DNAJC1: variants seen among roughly 807,000 people sequenced by gnomAD.
The protein encoded by DNAJC1 is dnaJ homolog subfamily C member 1.
In DNAJC1, 58 loss-of-function variants were observed where a neutral mutation model predicts 76.6. The ratio of observed to expected loss-of-function variants is 0.76; its 90% CI spans 0.61 to 0.94. DNAJC1 has a LOEUF of 0.94. Among genes scored for constraint, DNAJC1 ranks in the 40% least tolerant of loss-of-function variants. The pLI is 0.00. For synonymous variants in DNAJC1, 258 were observed against 267.9 expected, an observed-to-expected ratio of 0.96 and a Z score of 0.36; for missense variants, 689 against 677.3, an observed-to-expected ratio of 1.02 and a Z score of -0.19.
At chr10:21,842,014 G>A (rs890691580) in intron 8 of DNAJC1, among the ~76,000 whole-genome samples, 4 of 146,868 alleles carry the variant, frequency 2.7e-5, no homozygotes, top group African/African-American at 1.0e-4. Context: ...ACCAAACAAC[G>A]CATGTTCTCA....
At chr10:21,798,154 G>T (rs969398806) in intron 9 of DNAJC1, among the ~76,000 whole-genome samples, 2 of 152,116 alleles carry the variant, frequency 1.3e-5, no homozygotes, top group African/African-American at 2.4e-5. Context: ...GCTAATTAAC[G>T]TGCCTTTGTA....
In DNAJC1 at chr10:21,904,522, T is replaced by C. The variant is rs1418287076; in HGVS notation, c.820A>G (p.Lys274Glu). The C allele has an allele frequency of 1.3e-6, 2 of 1,559,196 alleles. No individual in the cohort carries two copies. Among genetic ancestry groups the C allele is most frequent in the Non-Finnish European group, 1.7e-6 (2 of 1,151,404 alleles). The change falls in exon 7 of 12, where the codon AAA (lysine) becomes GAA (glutamate). Residue 274 changes from lysine to glutamate, a missense_variant and splice_region_variant. Transcript: ENST00000376980. The part of the protein sequence containing the change: ...LTRTELETLQ[K>E]QKKVKKPKPE... ...TAAAACACTAATGTTTAAAACTCAC[T>C]TTGAAGTGTTTCAAGTTCAGTTCTA...
intron 1 of DNAJC1, among the ~76,000 whole-genome samples, chr10:21,964,381 A>AT (rs1837852669): frequency 6.6e-6 from 1 of 151,862 alleles, no homozygotes; most frequent in Non-Finnish European, 1.5e-5. Flanking sequence ...TGCCTGGCTA[A>AT]TTTTTTTGTA....
At chr10:21,774,524 G>C (rs1401801441) in intron 9 of DNAJC1, among the ~76,000 whole-genome samples, 1 of 152,044 alleles carries the variant, frequency 6.6e-6, no homozygotes, top group South Asian at 2.1e-4. Flanking sequence ...ACCTAGACTG[G>C]AGCGCAGTGG....
intron 11 of DNAJC1, among the ~76,000 whole-genome samples, chr10:21,758,826 C>T (rs1049654343): frequency 2.0e-5 from 3 of 152,332 alleles, no homozygotes; most frequent in Middle Eastern, 3.4e-3. Flanking sequence ...CTGCATTTCA[C>T]GGTGAGGCAG....
At chr10:21,855,045 T>TAGAAA (rs1835812861) in intron 8 of DNAJC1, among the ~76,000 whole-genome samples, 1 of 152,308 alleles carries the variant, frequency 6.6e-6, no homozygotes, top group African/African-American at 2.4e-5. Context: ...TTAATTCTTC[T>TAGAAA]AGAAAATCAT....
chr10:21,967,129 T>C lies in DNAJC1; in HGVS notation c.222+36084A>G, dbSNP rs548743923. Among the ~76,000 whole-genome samples, 8 of 152,224 alleles carry C rather than the reference T, an allele frequency of 5.3e-5. No individual in the cohort carries two copies. In the South Asian group the frequency reaches 1.7e-3, roughly 32 times the overall value. On this transcript the variant is annotated intron_variant, in intron 1 of 11. Transcript: ENST00000376980. ...AACTTTTAACAAATGTATTTAGCTGTGCAACGTTCATCACAATCCAGTTTT... is the reference window on the plus strand; with the variant it reads ...AACTTTTAACAAATGTATTTAGCTGCGCAACGTTCATCACAATCCAGTTTT...
intron 8 of DNAJC1, among the ~76,000 whole-genome samples, chr10:21,856,408 C>T (rs1050062975): frequency 6.6e-6 from 1 of 151,980 alleles, no homozygotes; most frequent in African/African-American, 2.4e-5. Flanking sequence ...TTGTGTATGT[C>T]TTTGAGGATA....
rs1756507041 is a variant in DNAJC1 at position 21,833,024 on chromosome 10, T to C, written c.979-26925A>G. Among the ~76,000 whole-genome samples, 3 of 152,232 alleles carry C rather than the reference T, an allele frequency of 2.0e-5. No homozygotes were observed. The South Asian group carries it at 6.2e-4, about 31-fold the overall frequency. ...CCCCACCCCACTTCTAAATCTTTCA[T>C]AAAAATTTTTGGTTTTTTCCTAGGT... On this transcript the variant is annotated intron_variant, in intron 8 of 11. Coordinates refer to ENST00000376980, the MANE Select transcript of DNAJC1 (RefSeq NM_022365.4).
At chr10:21,843,805 T>G (rs1331928764) in intron 8 of DNAJC1, among the ~76,000 whole-genome samples, 13 of 152,006 alleles carry the variant, frequency 8.6e-5, no homozygotes, top group Admixed American at 8.5e-4. Flanking sequence ...AGTGGTGTGA[T>G]CTCAGCTCCC....
At chr10:21,769,926 T>A (rs1249720157) in intron 9 of DNAJC1, among the ~76,000 whole-genome samples, 2 of 152,110 alleles carry the variant, frequency 1.3e-5, no homozygotes, top group African/African-American at 4.8e-5. Flanking sequence ...CCTCAGGTGA[T>A]CCACCCACCT....
At position 22,003,413 on chromosome 10, in the gene DNAJC1, G is replaced by A; in HGVS notation, c.22C>T (p.Pro8Ser). The change falls in exon 1 of 12, where the codon CCG (proline) becomes TCG (serine). Residue 8 changes from proline to serine, a missense_variant. Physicochemically the swap from Pro to Ser is moderately conservative, Grantham distance 74 (BLOSUM62 -1). Transcript: ENST00000376980. ...TGGCGGCGTCCAGGAAGCTGCGCCG[G>A]CTGGGAGCAAGGAGCCGTCATCGCG... is the stretch of plus-strand genomic sequence containing the variant. The part of the protein sequence containing the change: MTAPCSQ[P>S]AQLPGRRQLG... 1 of 1,370,036 alleles carries A rather than the reference G, an allele frequency of 7.3e-7. No individual in the cohort carries two copies. Among genetic ancestry groups the A allele is most frequent in the South Asian group, 1.9e-5 (1 of 53,388 alleles). 84.9% of individuals were successfully genotyped at this position (1,370,036 alleles called of 1,614,324 possible). A position where few individuals can be genotyped will look rare whatever the true frequency, so the allele number is the denominator to read the frequency against.
intron 9 of DNAJC1, among the ~76,000 whole-genome samples, chr10:21,783,964 G>T (rs990770461): frequency 6.6e-6 from 1 of 152,140 alleles, no homozygotes; most frequent in East Asian, 1.9e-4. Flanking sequence ...AGAAAACCTA[G>T]GCAATACCAT....
chr10:21,911,674 A>G (rs1349077881), intron 6 of DNAJC1, among the ~76,000 whole-genome samples: 1 of 152,212 alleles, frequency 6.6e-6, no homozygotes, highest in South Asian at 2.1e-4. Context: ...CAATGTAAGA[A>G]TCCTACAACT....
chr10:21,984,329 CA>C (rs1164213796), intron 1 of DNAJC1, among the ~76,000 whole-genome samples: 1 of 152,118 alleles, frequency 6.6e-6, no homozygotes, highest in African/African-American at 2.4e-5. Flanking sequence ...AAAGCAGTTC[CA>C]GGGGCAGTTA....
chr10:21,848,314 ATTGAG>A (rs1475101907), intron 8 of DNAJC1, among the ~76,000 whole-genome samples: 1 of 151,798 alleles, frequency 6.6e-6, no homozygotes, highest in Non-Finnish European at 1.5e-5. Flanking sequence ...ATTATTTGCT[ATTGAG>A]TTGAGTTTCT....
At chr10:21,967,463 C>T (rs1447945426) in intron 1 of DNAJC1, among the ~76,000 whole-genome samples, 1 of 152,140 alleles carries the variant, frequency 6.6e-6, no homozygotes, top group Non-Finnish European at 1.5e-5. Flanking sequence ...TTTCCTGTCC[C>T]AGACCTGGAA....
intron 1 of DNAJC1, among the ~76,000 whole-genome samples, chr10:21,967,071 A>G (rs1271229606): frequency 1.3e-5 from 2 of 148,918 alleles, no homozygotes; most frequent in Non-Finnish European, 3.0e-5. Context: ...ACTGAAATAT[A>G]ATTTACACAC....
intron 8 of DNAJC1, among the ~76,000 whole-genome samples, chr10:21,844,115 C>T (rs952101738): frequency 2.0e-5 from 3 of 152,110 alleles, no homozygotes; most frequent in Non-Finnish European, 4.4e-5. Flanking sequence ...ATGAGACCTC[C>T]CCAGCCAAGT....
Sources: allele counts gnomAD v4.1 joint callset (sites outside exome capture counted in the v4.1 genomes callset), GRCh38; gene constraint gnomAD v4.1.1; transcripts MANE v1.5; gene names NCBI Gene and HGNC (gene_info 2026-07-23, HGNC 2026-07-21).